COL8A1: variants seen among roughly 807,000 people sequenced by gnomAD.
The protein encoded by COL8A1 is collagen type VIII alpha 1 chain.
A neutral mutation model predicts 42.7 loss-of-function variants in COL8A1; 21 were observed. That is an observed-to-expected ratio of 0.49 (90% CI 0.35 to 0.71). The LOEUF (loss-of-function observed/expected upper bound fraction) is 0.71. Among genes scored for constraint, COL8A1 ranks in the 30% least tolerant of loss-of-function variants. The pLI is 0.01. For synonymous variants in COL8A1, 367 were observed against 369.1 expected (o/e 0.99, Z 0.06); for missense variants, 788 against 962.4 (o/e 0.82, Z 2.40).
At chr3:99,739,916 C>T (rs1940850858) in intron 1 of COL8A1, among the ~76,000 whole-genome samples, 1 of 152,184 alleles carries the variant, frequency 6.6e-6, no homozygotes, top group Non-Finnish European at 1.5e-5. Flanking sequence ...CATCAAGCTG[C>T]AAATTTTCCA....
intron 1 of COL8A1, among the ~76,000 whole-genome samples, chr3:99,671,188 A>G (rs1432793442): frequency 6.6e-6 from 1 of 152,098 alleles, no homozygotes; most frequent in Non-Finnish European, 1.5e-5. Context: ...TATGAAAAAT[A>G]CAAGTAACAA....
At chr3:99,654,716 A>T (rs1162327668) in intron 1 of COL8A1, among the ~76,000 whole-genome samples, 1 of 151,952 alleles carries the variant, frequency 6.6e-6, no homozygotes, top group Non-Finnish European at 1.5e-5. Flanking sequence ...TTAGCCCGGG[A>T]GGTGGAGGCT....
chr3:99,696,514 C>A (rs2458456), intron 1 of COL8A1, among the ~76,000 whole-genome samples: 60,711 of 151,908 alleles, frequency 0.4, 13,442 homozygotes, highest in Middle Eastern at 0.5. Context: ...GAAACAGGGC[C>A]AAGGAGGGAA....
intron 2 of COL8A1, among the ~76,000 whole-genome samples, chr3:99,772,673 A>C (rs1941603789): frequency 6.6e-6 from 1 of 152,208 alleles, no homozygotes; most frequent in Non-Finnish European, 1.5e-5. Flanking sequence ...AAATAAAATT[A>C]GATCTTATTA....
chr3:99,714,291 G>A (rs990694149), intron 1 of COL8A1, among the ~76,000 whole-genome samples: 2 of 152,016 alleles, frequency 1.3e-5, no homozygotes, highest in African/African-American at 2.4e-5. Context: ...TCAACGTCAT[G>A]ACCAGAGATT....
chr3:99,783,061 T>C (rs567515460), intron 2 of COL8A1, among the ~76,000 whole-genome samples: 1 of 152,314 alleles, frequency 6.6e-6, no homozygotes, highest in South Asian at 2.1e-4. Context: ...AAGAAAAATA[T>C]TCTCCAGATG....
intron 2 of COL8A1, among the ~76,000 whole-genome samples, chr3:99,782,634 C>T (rs1475944648): frequency 5.3e-5 from 8 of 152,096 alleles, no homozygotes; most frequent in South Asian, 2.1e-4. Flanking sequence ...TCAGGTGATC[C>T]GCCCGCCTCA....
chr3:99,733,818 C>A (rs913417762), intron 1 of COL8A1, among the ~76,000 whole-genome samples: 10 of 151,952 alleles, frequency 6.6e-5, no homozygotes, highest in African/African-American at 2.2e-4. Context: ...CTGTTGTTTC[C>A]TGACTTTTTA....
chr3:99,789,751 A>G (rs1188688237), intron 2 of COL8A1, among the ~76,000 whole-genome samples: 1 of 152,212 alleles, frequency 6.6e-6, no homozygotes, highest in Non-Finnish European at 1.5e-5. Context: ...ATAGTTAAAC[A>G]TCTCCCTCTT....
intron 1 of COL8A1, among the ~76,000 whole-genome samples, chr3:99,723,003 T>TTGTGTGTGTGTGTG (rs34062497): frequency 3.4e-4 from 50 of 147,184 alleles, no homozygotes; most frequent in African/African-American, 1.2e-3. Context: ...GAGACCAAAG[T>TTGTGTGTGTGTGTG]TGTGTGTGTG....
chr3:99,773,812 TG>T (rs1941628791), intron 2 of COL8A1, among the ~76,000 whole-genome samples: 1 of 58,944 alleles, frequency 1.7e-5, no homozygotes, highest in Non-Finnish European at 3.5e-5. Flanking sequence ...TATATATATG[TG>T]TGTATATATA....
At chr3:99,763,173 G>A (rs1223853343) in intron 2 of COL8A1, among the ~76,000 whole-genome samples, 1 of 152,158 alleles carries the variant, frequency 6.6e-6, no homozygotes, top group Non-Finnish European at 1.5e-5. Flanking sequence ...CAAAGCCAAT[G>A]AAGAAACAGA....
At chr3:99,713,253 T>A (rs1939898348) in intron 1 of COL8A1, among the ~76,000 whole-genome samples, 1 of 151,968 alleles carries the variant, frequency 6.6e-6, no homozygotes, top group African/African-American at 2.4e-5. Context: ...AAAGCCAGAG[T>A]TAATGTCATG....
chr3:99,652,994 C>T (rs1159931454), intron 1 of COL8A1, among the ~76,000 whole-genome samples: 1 of 152,160 alleles, frequency 6.6e-6, no homozygotes, highest in Non-Finnish European at 1.5e-5. Context: ...CACTGAACAA[C>T]GCAGCCATCC....
chr3:99,767,767 G>C (rs1483601130), intron 2 of COL8A1, among the ~76,000 whole-genome samples: 6 of 152,206 alleles, frequency 3.9e-5, no homozygotes, highest in South Asian at 2.1e-4. Context: ...GCAAGGTATA[G>C]AGGTGTAAGA....
Position 99,673,939 on chromosome 3 carries a change from C to T in COL8A1, c.-129+35275C>T, listed in dbSNP as rs138766060. On this transcript the variant is annotated intron_variant, in intron 1 of 3. Coordinates refer to ENST00000652472, the MANE Select transcript of COL8A1 (RefSeq NM_020351.4). ...GGGCTAAATAAGTTATTACACATAA[C>T]GCATTTAGAATAGTTCCCCATACAT... is the stretch of plus-strand genomic sequence containing the variant. Among the ~76,000 whole-genome samples, 12 of 152,084 alleles carry T rather than the reference C, an allele frequency of 7.9e-5. No homozygotes were observed. In the East Asian group the frequency reaches 1.2e-3, roughly 15 times the overall value.
intron 1 of COL8A1, among the ~76,000 whole-genome samples, chr3:99,648,815 C>T (rs541672317): frequency 1.1e-3 from 170 of 152,232 alleles, no homozygotes; most frequent in African/African-American, 3.9e-3. Flanking sequence ...TACCATAAAC[C>T]GTAGCCAGAT....
rs980827929 is a variant in COL8A1 at position 99,662,335 on chromosome 3, T to A, written c.-129+23671T>A. 2.7e-5 allele frequency among the ~76,000 whole-genome samples: 4 copies of A among 148,590 alleles called. No individual in the cohort carries two copies. In the East Asian group the frequency reaches 6.0e-4, roughly 22 times the overall value. ...AGACGGAGGTTGCCCTGAGCCGACATCACGCCACTGCACTCCAGCCTGGGC... is the reference window on the plus strand; with the variant it reads ...AGACGGAGGTTGCCCTGAGCCGACAACACGCCACTGCACTCCAGCCTGGGC... On this transcript the variant is annotated intron_variant, in intron 1 of 3. Transcript: ENST00000652472.
intron 1 of COL8A1, among the ~76,000 whole-genome samples, chr3:99,722,334 T>A (rs1341608882): frequency 2.0e-5 from 3 of 152,120 alleles, no homozygotes; most frequent in Non-Finnish European, 2.9e-5. Flanking sequence ...ATCAATGGCC[T>A]TGCAAAGACA....
Sources: allele counts gnomAD v4.1 joint callset (sites outside exome capture counted in the v4.1 genomes callset), GRCh38; gene constraint gnomAD v4.1.1; transcripts MANE v1.5; gene names NCBI Gene and HGNC (gene_info 2026-07-23, HGNC 2026-07-21).